Variants in IFT52 observed in about 807,000 individuals in gnomAD.
IFT52 encodes the protein intraflagellar transport 52, also known as intraflagellar transport protein 52 homolog.
Under a neutral mutation model 54.4 loss-of-function variants are expected in IFT52, and 44 were observed. The ratio of observed to expected loss-of-function variants is 0.81; its 90% CI spans 0.63 to 1.04. IFT52 has a LOEUF of 1.04. Among genes scored for constraint, IFT52 ranks in the 50% least tolerant of loss-of-function variants. The pLI is 0.00. For synonymous variants in IFT52, 181 were observed against 185.3 expected (o/e 0.98, Z 0.19); for missense variants, 452 against 523.6 (o/e 0.86, Z 1.33).
chr20:43,601,740 A>G lies in IFT52; in HGVS notation c.208-2020A>G, dbSNP rs1410207719. ...TAGACCTGGCTTGCTATTATCAGTC[A>G]TAGAACATAGCATATATTTAGGGCT... On this transcript the variant is annotated intron_variant, in intron 3 of 13. Transcript: ENST00000373030. Among the ~76,000 whole-genome samples the G allele has an allele frequency of 3.9e-5, 6 of 152,368 alleles. No homozygotes were observed. In the East Asian group the frequency reaches 1.2e-3, roughly 29 times the overall value.
At position 43,596,434 on chromosome 20, in the gene IFT52, G is replaced by C. The variant is rs1981964918; in HGVS notation, c.120-1G>C. The C allele has an allele frequency of 6.4e-7, 1 of 1,571,914 alleles. No homozygotes were observed. Among genetic ancestry groups the C allele is most frequent in the Non-Finnish European group, 8.7e-7 (1 of 1,149,354 alleles). The stretch of plus-strand genomic sequence containing the variant: ...ATTTGCTTTTAAAATTGTATTTCCA[G>C]CTTAAAAGATGAAATCACATCTGAG... On this transcript the variant is annotated splice_acceptor_variant, in intron 2 of 13. Coordinates refer to ENST00000373030, the MANE Select transcript of IFT52 (RefSeq NM_016004.5). LOFTEE classifies it high-confidence loss of function.
chr20:43,625,700 T>C (rs1367998390), intron 10 of IFT52, among the ~76,000 whole-genome samples: 1 of 152,058 alleles, frequency 6.6e-6, no homozygotes, highest in East Asian at 1.9e-4. Context: ...AAGGCCATCG[T>C]GGCCACTGCA....
chr20:43,591,597 A>C (rs1325077611), intron 1 of IFT52, among the ~76,000 whole-genome samples: 1 of 152,226 alleles, frequency 6.6e-6, no homozygotes, highest in Non-Finnish European at 1.5e-5. Context: ...TGGAGGGGGC[A>C]GTTTTTCAAC....
intron 3 of IFT52, among the ~76,000 whole-genome samples, chr20:43,601,983 T>C (rs372948379): frequency 1.8e-4 from 27 of 152,054 alleles, no homozygotes; most frequent in Admixed American, 2.0e-4. Flanking sequence ...AAATAGCACA[T>C]GATCTCTCCA....
chr20:43,635,037 G>C (rs572616880), intron 10 of IFT52, among the ~76,000 whole-genome samples: 1 of 151,892 alleles, frequency 6.6e-6, no homozygotes, highest in African/African-American at 2.4e-5. Flanking sequence ...GTGTGGTGGC[G>C]CGTGCCTGTA....
chr20:43,614,473 G>A (rs1983704082), intron 7 of IFT52, among the ~76,000 whole-genome samples: 1 of 151,356 alleles, frequency 6.6e-6, no homozygotes, highest in South Asian at 2.1e-4. Context: ...TGACCATCCT[G>A]CCTCGTGGTC....
At chr20:43,604,575 C>CA (rs1296617506) in intron 5 of IFT52, among the ~76,000 whole-genome samples, 160 of 148,488 alleles carry the variant, frequency 1.1e-3, no homozygotes, top group African/African-American at 3.3e-3. Flanking sequence ...GACTTCATCT[C>CA]AAAAAAAAAA....
chr20:43,600,535 G>A (rs780233859), intron 3 of IFT52, among the ~76,000 whole-genome samples: 55 of 152,022 alleles, frequency 3.6e-4, no homozygotes, highest in South Asian at 1.5e-3. Context: ...CGATCTCCTG[G>A]CCTTGTGATC....
At chr20:43,614,928 C>A (rs1373332519) in intron 7 of IFT52, among the ~76,000 whole-genome samples, 1 of 151,774 alleles carries the variant, frequency 6.6e-6, no homozygotes, top group Non-Finnish European at 1.5e-5. Flanking sequence ...CCTGCCTCAG[C>A]CTCCCGAGTA....
intron 9 of IFT52, 146 bp downstream of exon 9, chr20:43,621,071 G>T: frequency 1.7e-6 from 1 of 595,668 alleles, no homozygotes; most frequent in Non-Finnish European, 3.0e-6. Context: ...GGAGATGAAG[G>T]CCATATTGTA....
intron 10 of IFT52, among the ~76,000 whole-genome samples, chr20:43,634,456 C>T (rs758516326): frequency 3.3e-5 from 5 of 152,064 alleles, no homozygotes; most frequent in Non-Finnish European, 7.4e-5. Context: ...CTGAAACAGA[C>T]AGAAACTAGA....
chr20:43,614,303 C>T (rs6073150), intron 7 of IFT52, among the ~76,000 whole-genome samples: 115,490 of 150,552 alleles, frequency 0.77, 44,526 homozygotes, highest in East Asian at 0.8. Flanking sequence ...GGTGCAATCT[C>T]GGCTCACTGC....
At chr20:43,615,001 G>A (rs1027736841) in intron 7 of IFT52, among the ~76,000 whole-genome samples, 2 of 151,786 alleles carry the variant, frequency 1.3e-5, no homozygotes, top group Non-Finnish European at 2.9e-5. Context: ...GAGAGATGGA[G>A]TTTCACTATG....
At chr20:43,626,541 T>C (rs533450363) in intron 10 of IFT52, among the ~76,000 whole-genome samples, 1 of 152,264 alleles carries the variant, frequency 6.6e-6, no homozygotes, top group South Asian at 2.1e-4. Context: ...CCACAGCACC[T>C]GGACCTATTT....
At chr20:43,621,392 C>T (rs899505656) in intron 9 of IFT52, among the ~76,000 whole-genome samples, 6 of 152,198 alleles carry the variant, frequency 3.9e-5, no homozygotes, top group East Asian at 3.9e-4. Context: ...AAATCACCAC[C>T]GGCTCTTGGA....
intron 4 of IFT52, 55 bp from the exon 5 acceptor site, chr20:43,604,128 A>G (rs1424567715): frequency 1.4e-6 from 2 of 1,410,894 alleles, no homozygotes; most frequent in Non-Finnish European, 1.0e-6. Flanking sequence ...ATGAGTCTAT[A>G]ATATCGAATT....
Position 43,615,549 on chromosome 20 carries a change from A to G in IFT52, c.612+1573A>G, listed in dbSNP as rs552693366. On this transcript the variant is annotated intron_variant, in intron 7 of 13. Transcript: ENST00000373030. ...CTGGGCGTGGTGGCTCACACCTGCA[A>G]TCCCAGCACTTTGGGAGGCCAAGGT... 1.9e-4 allele frequency among the ~76,000 whole-genome samples: 29 copies of G among 151,850 alleles called. No individual in the cohort carries two copies. In the East Asian group the frequency reaches 5.5e-3, roughly 29 times the overall value.
chr20:43,604,150 T>C, intron 4 of IFT52, 33 bp from the exon 5 acceptor site: 1 of 1,531,134 alleles, frequency 6.5e-7, no homozygotes, highest in African/African-American at 1.4e-5. Flanking sequence ...ATTTCTAACC[T>C]AAAATATACC....
intron 5 of IFT52, 79 bp downstream of exon 5, chr20:43,604,337 G>T: frequency 9.9e-7 from 1 of 1,008,386 alleles, no homozygotes; most frequent in Non-Finnish European, 1.6e-6. Context: ...GGGAAGCCAA[G>T]GTGGATGGAT....
Sources: gnomAD v4.1 joint callset for allele counts (sites outside exome capture counted in the v4.1 genomes callset) on GRCh38, gnomAD v4.1.1 for gene constraint, MANE v1.5 for transcripts, NCBI Gene and HGNC (gene_info 2026-07-23, HGNC 2026-07-21) for gene names.